Variants in ARHGAP15 observed in about 807,000 individuals in gnomAD.
The protein encoded by ARHGAP15 is rho GTPase-activating protein 15.
A neutral mutation model predicts 63.7 loss-of-function variants in ARHGAP15; 51 were observed. That is an observed-to-expected ratio of 0.80 (90% CI 0.64 to 1.01). ARHGAP15 has a LOEUF of 1.01. ARHGAP15 is among the 50% of genes least tolerant of loss of function. The probability of loss-of-function intolerance (pLI) is 0.00; values close to 1 mark genes in which losing one functional copy is unlikely to be tolerated. For synonymous variants in ARHGAP15, 191 were observed against 193.8 expected (o/e 0.99, Z 0.12); for missense variants, 560 against 564.6 (o/e 0.99, Z 0.08).
rs1687405414 is a variant in ARHGAP15, at chr2:143,388,675, AT to A, written c.475-46921del. On this transcript the variant is annotated intron_variant, in intron 6 of 13. Coordinates refer to ENST00000295095, the MANE Select transcript of ARHGAP15 (RefSeq NM_018460.4). ...AATGCCTATAATGATTCTTCACTTA[AT>A]TTTTCAAATTTCTCATCAAGTATTG... is the stretch of plus-strand genomic sequence containing the variant. Among the ~76,000 whole-genome samples the A allele has an allele frequency of 2.0e-5, 3 of 152,116 alleles. No individual in the cohort carries two copies. The South Asian group carries it at 6.2e-4, about 32-fold the overall frequency.
intron 6 of ARHGAP15, among the ~76,000 whole-genome samples, chr2:143,332,535 A>G (rs1021253502): frequency 2.0e-5 from 3 of 152,176 alleles, no homozygotes; most frequent in Non-Finnish European, 4.4e-5. Context: ...AAACTATCCT[A>G]AATTATGAAA....
chr2:143,410,911 A>C, intron 6 of ARHGAP15, among the ~76,000 whole-genome samples: 1 of 152,044 alleles, frequency 6.6e-6, no homozygotes, highest in Non-Finnish European at 1.5e-5. Context: ...AAAAACGAAA[A>C]TATCGTAGGA....
At chr2:143,503,760 A>G (rs1693179329) in intron 9 of ARHGAP15, among the ~76,000 whole-genome samples, 1 of 152,220 alleles carries the variant, frequency 6.6e-6, no homozygotes, top group South Asian at 2.1e-4. Context: ...GGCATTATCC[A>G]ATGATGAGGA....
intron 6 of ARHGAP15, among the ~76,000 whole-genome samples, chr2:143,304,394 A>T (rs773148675): frequency 4.6e-5 from 7 of 151,998 alleles, no homozygotes; most frequent in Non-Finnish European, 8.8e-5. Context: ...CATAGGTGGG[A>T]ATTGAACAAT....
chr2:143,724,531 A>G (rs1040114532), intron 13 of ARHGAP15, among the ~76,000 whole-genome samples: 4 of 152,142 alleles, frequency 2.6e-5, no homozygotes, highest in Admixed American at 2.6e-4. Context: ...GGCAGGAATC[A>G]TTTTTTCCTG....
intron 6 of ARHGAP15, among the ~76,000 whole-genome samples, chr2:143,330,119 A>ATAAAT (rs1558897871): frequency 1.5e-5 from 1 of 67,182 alleles, no homozygotes; most frequent in Non-Finnish European, 2.9e-5. Context: ...AAAAAAAAAA[A>ATAAAT]AAAAAAAAAA....
chr2:143,722,496 C>A (rs770401851), intron 13 of ARHGAP15, among the ~76,000 whole-genome samples: 1 of 152,006 alleles, frequency 6.6e-6, no homozygotes, highest in Non-Finnish European at 1.5e-5. Context: ...CTATGGAGTG[C>A]CTGCTCTGTG....
At chr2:143,349,248 G>C (rs1034944044) in intron 6 of ARHGAP15, among the ~76,000 whole-genome samples, 2 of 152,176 alleles carry the variant, frequency 1.3e-5, no homozygotes, top group Non-Finnish European at 2.9e-5. Flanking sequence ...ATTTGAGTGA[G>C]AGGATAAAAG....
intron 11 of ARHGAP15, among the ~76,000 whole-genome samples, chr2:143,603,917 GCTCTAAAAAA>G (rs1697879516): frequency 1.3e-5 from 2 of 152,070 alleles, no homozygotes; most frequent in Non-Finnish European, 2.9e-5. Flanking sequence ...CCAATGTGAA[GCTCTAAAAAA>G]GAAGCCCATA....
chr2:143,443,413 G>T (rs1414520985), intron 8 of ARHGAP15, among the ~76,000 whole-genome samples: 2 of 134,886 alleles, frequency 1.5e-5, no homozygotes, highest in Non-Finnish European at 3.2e-5. Flanking sequence ...TCTGATTTGG[G>T]TGAGAGGGTC....
intron 12 of ARHGAP15, among the ~76,000 whole-genome samples, chr2:143,652,257 T>C (rs538907207): frequency 4.6e-5 from 7 of 152,166 alleles, no homozygotes; most frequent in Admixed American, 1.3e-4. Flanking sequence ...GTAGGCCATA[T>C]GGTTTCTTTT....
At chr2:143,331,616 T>C (rs1369021703) in intron 6 of ARHGAP15, among the ~76,000 whole-genome samples, 1 of 152,206 alleles carries the variant, frequency 6.6e-6, no homozygotes, top group African/African-American at 2.4e-5. Flanking sequence ...GCAAGGATTA[T>C]ATAGACACAT....
chr2:143,360,986 T>C (rs1686027071), intron 6 of ARHGAP15, among the ~76,000 whole-genome samples: 1 of 152,150 alleles, frequency 6.6e-6, no homozygotes, highest in Admixed American at 6.5e-5. Context: ...TATGTAGATC[T>C]CTGAACAAAA....
At chr2:143,565,104 C>A (rs1399356682) in intron 11 of ARHGAP15, among the ~76,000 whole-genome samples, 4 of 152,012 alleles carry the variant, frequency 2.6e-5, no homozygotes, top group Non-Finnish European at 4.4e-5. Flanking sequence ...ACTCTTAGGC[C>A]ACAAAATTAA....
intron 12 of ARHGAP15, among the ~76,000 whole-genome samples, chr2:143,651,938 T>G (rs1436688536): frequency 1.3e-5 from 2 of 152,162 alleles, no homozygotes; most frequent in South Asian, 4.1e-4. Context: ...TTTTGAGAGT[T>G]ATTTTTGTCT....
chr2:143,586,698 T>G (rs774806612), intron 11 of ARHGAP15, among the ~76,000 whole-genome samples: 1 of 152,082 alleles, frequency 6.6e-6, no homozygotes, highest in East Asian at 1.9e-4. Context: ...AACTATAGGT[T>G]AACTATTTGT....
intron 6 of ARHGAP15, among the ~76,000 whole-genome samples, chr2:143,344,426 C>G (rs910103658): frequency 6.6e-6 from 1 of 152,096 alleles, no homozygotes; most frequent in East Asian, 1.9e-4. Context: ...ATTATTTACT[C>G]AAGTAAAAGT....
intron 6 of ARHGAP15, among the ~76,000 whole-genome samples, chr2:143,356,870 G>A (rs921357296): frequency 3.3e-5 from 5 of 152,070 alleles, no homozygotes; most frequent in African/African-American, 9.7e-5. Flanking sequence ...ATTAGATCCC[G>A]CCTTAGTTAG....
intron 2 of ARHGAP15, among the ~76,000 whole-genome samples, chr2:143,176,878 G>T (rs774279394): frequency 1.3e-5 from 2 of 152,146 alleles, no homozygotes; most frequent in Non-Finnish European, 2.9e-5. Flanking sequence ...AGCTGGGGCC[G>T]AGGGTTGCAG....
Sources: allele counts gnomAD v4.1 joint callset (sites outside exome capture counted in the v4.1 genomes callset), GRCh38; gene constraint gnomAD v4.1.1; transcripts MANE v1.5; gene names NCBI Gene and HGNC (gene_info 2026-07-23, HGNC 2026-07-21).